LRRIQ4: variants seen among roughly 807,000 people sequenced by gnomAD.
The protein encoded by LRRIQ4 is leucine-rich repeat and IQ domain-containing protein 4.
A neutral mutation model predicts 40.1 loss-of-function variants in LRRIQ4; 21 were observed. The observed-to-expected ratio is 0.52, with a 90% CI of 0.37 to 0.75. The LOEUF is 0.75. Ranked by LOEUF, LRRIQ4 falls within the 30% of genes least tolerant of loss-of-function variation. The probability of loss-of-function intolerance (pLI) is 0.00; values close to 1 mark genes in which losing one functional copy is unlikely to be tolerated. For synonymous variants in LRRIQ4, 277 were observed against 277.1 expected (o/e 1.00, Z 0.00); for missense variants, 655 against 660.0 (o/e 0.99, Z 0.08).
intron 1 of LRRIQ4, among the ~76,000 whole-genome samples, chr3:169,818,084 A>G (rs1296819893): frequency 6.6e-6 from 1 of 152,188 alleles, no homozygotes; most frequent in African/African-American, 2.4e-5. Context: ...GGGCTGGTCT[A>G]AATGCTCCCT....
intron 5 of LRRIQ4, among the ~76,000 whole-genome samples, chr3:169,835,192 C>G (rs1780278281): frequency 6.6e-6 from 1 of 152,048 alleles, no homozygotes; most frequent in Non-Finnish European, 1.5e-5. Flanking sequence ...GAGCTTCTTC[C>G]AGATTTATAT....
intron 1 of LRRIQ4, among the ~76,000 whole-genome samples, chr3:169,820,865 T>C (rs1033411844): frequency 2.2e-4 from 33 of 152,232 alleles, no homozygotes; most frequent in African/African-American, 8.0e-4. Flanking sequence ...ATTTTCCCTG[T>C]GGCCGTTTAA....
At chr3:169,825,069 G>T (rs1403556801) in intron 2 of LRRIQ4, among the ~76,000 whole-genome samples, 1 of 148,122 alleles carries the variant, frequency 6.8e-6, no homozygotes, top group Admixed American at 6.9e-5. Flanking sequence ...GTACAATGGC[G>T]CCATCTCAGC....
At chr3:169,832,833 T>C (rs1434102394) in intron 4 of LRRIQ4, among the ~76,000 whole-genome samples, 154 bp from the exon 5 acceptor site, 2 of 152,190 alleles carry the variant, frequency 1.3e-5, no homozygotes, top group East Asian at 3.8e-4. Context: ...TTTTATTAGA[T>C]GGTAGAAAAA....
At chr3:169,832,909 C>CT (rs2108185454) in intron 4 of LRRIQ4, 78 bp from the exon 5 acceptor site, 1 of 1,293,404 alleles carries the variant, frequency 7.7e-7, no homozygotes, top group East Asian at 2.3e-5. Context: ...GATCCCTCAC[C>CT]TATGTGGACA....
At chr3:169,816,003 G>A (rs942455417) in intron 1 of LRRIQ4, among the ~76,000 whole-genome samples, 17 of 152,178 alleles carry the variant, frequency 1.1e-4, no homozygotes, top group Admixed American at 9.2e-4. Flanking sequence ...TGGTCATGAT[G>A]AATGATTTTT....
intron 2 of LRRIQ4, among the ~76,000 whole-genome samples, chr3:169,825,008 CTTTTT>C (rs10575036): frequency 7.5e-6 from 1 of 133,968 alleles, no homozygotes; most frequent in South Asian, 2.4e-4. Context: ...TTTTAAAAAT[CTTTTT>C]TTTTTTTTTT....
chr3:169,837,429 G>A (rs1223587154), intron 5 of LRRIQ4, 50 bp from the exon 6 acceptor site: 1 of 1,558,944 alleles, frequency 6.4e-7, no homozygotes, highest in East Asian at 2.3e-5. Flanking sequence ...ACAATTTCCA[G>A]TTCATTGTGA....
At position 169,835,364 on chromosome 3, in the gene LRRIQ4, C is replaced by CTTTG. The variant is rs56344833; in HGVS notation, c.1531-2114_1531-2113insTTGT. ...CACTTGTACTTTGAATTGTCTTTTTCTGTGTGTGTGTGTGTGTGTGTGTGT... is the reference window on the plus strand; with the variant it reads ...CACTTGTACTTTGAATTGTCTTTTTCTTTGTGTGTGTGTGTGTGTGTGTGTGTGT... On this transcript the variant is annotated intron_variant, in intron 5 of 5. Transcript: ENST00000340806. Among the ~76,000 whole-genome samples the CTTTG allele has an allele frequency of 8.5e-4, 125 of 146,508 alleles. 1 individual carries two copies. Among genetic ancestry groups the CTTTG allele is most frequent in the South Asian group, 4.4e-3 (20 of 4,544 alleles).
At chr3:169,821,341 T>A (rs1351796290) in intron 1 of LRRIQ4, among the ~76,000 whole-genome samples, 3 of 152,128 alleles carry the variant, frequency 2.0e-5, no homozygotes, top group Admixed American at 1.3e-4. Flanking sequence ...CATTTTTTTT[T>A]AACTGAAATT....
At chr3:169,815,399 G>A (rs1576757379) in intron 1 of LRRIQ4, among the ~76,000 whole-genome samples, 1 of 152,016 alleles carries the variant, frequency 6.6e-6, no homozygotes, top group East Asian at 1.9e-4. Context: ...TTTATTTGTA[G>A]CTACTGTAAA....
At position 169,822,705 on chromosome 3, in the gene LRRIQ4, A is replaced by G. The variant is rs1779938234; in HGVS notation, c.784A>G (p.Ile262Val). The change falls in exon 2 of 6, where the codon ATC becomes GTC. Residue 262 changes from isoleucine to valine, a missense_variant. Coordinates refer to ENST00000340806, the MANE Select transcript of LRRIQ4 (RefSeq NM_001080460.3). Reference protein sequence around the residue: ...SFAELRKMTEIGLSGNRLEKV... With the variant: ...SFAELRKMTEVGLSGNRLEKV... ...CGCCGAGCTCAGGAAGATGACGGAA[A>G]TCGGGCTGAGCGGGAACCGCCTGGA... 2 of 1,613,996 alleles carry G rather than the reference A, an allele frequency of 1.2e-6. No individual in the cohort carries two copies. The highest frequency in any genetic ancestry group is 1.7e-6 in the Non-Finnish European group (2 of 1,179,904).
chr3:169,837,581 A>G lies in LRRIQ4; in HGVS notation c.1633A>G (p.Lys545Glu), dbSNP rs1285963058. The change falls in exon 6 of 6, where the codon AAA becomes GAA. Residue 545 changes from lysine to glutamate, a missense_variant. Lys to Glu is a moderately conservative substitution (Grantham distance 56, BLOSUM62 1). Coordinates refer to ENST00000340806, the MANE Select transcript of LRRIQ4 (RefSeq NM_001080460.3). ...KKGKTSPKDK[K>E]GKKDVKGKPG... The stretch of plus-strand genomic sequence containing the variant: ...AGGAAAGACCTCTCCAAAAGATAAG[A>G]AAGGAAAGAAGGATGTAAAAGGAAA... 1.5e-5 allele frequency: 24 copies of G among 1,597,068 alleles called. No homozygotes were observed. The highest frequency in any genetic ancestry group is 2.0e-5 in the Non-Finnish European group (24 of 1,172,188).
intron 2 of LRRIQ4, among the ~76,000 whole-genome samples, chr3:169,824,823 G>T (rs1343181097): frequency 6.6e-6 from 1 of 151,634 alleles, no homozygotes; most frequent in Non-Finnish European, 1.5e-5. Context: ...TATAATATTT[G>T]ATTTAAAAAG....
At chr3:169,821,226 T>G (rs180691337) in intron 1 of LRRIQ4, among the ~76,000 whole-genome samples, 2 of 152,366 alleles carry the variant, frequency 1.3e-5, no homozygotes, top group African/African-American at 4.8e-5. Context: ...GGAAAAATAC[T>G]GTATTTTAAA....
At chr3:169,830,663 G>A (rs778920055) in intron 4 of LRRIQ4, 33 bp downstream of exon 4, 3 of 1,613,188 alleles carry the variant, frequency 1.9e-6, no homozygotes, top group African/African-American at 1.3e-5. Flanking sequence ...CAGCCTAGCA[G>A]AGTTTGTGGC....
chr3:169,835,407 T>C (rs1780283473), intron 5 of LRRIQ4, among the ~76,000 whole-genome samples: 1 of 150,356 alleles, frequency 6.7e-6, no homozygotes, highest in Non-Finnish European at 1.5e-5. Context: ...CTAATGATTT[T>C]TGGAGTCCAG....
chr3:169,821,705 G>A (rs1011016937), intron 1 of LRRIQ4, among the ~76,000 whole-genome samples, 186 bp from the exon 2 acceptor site: 4 of 151,326 alleles, frequency 2.6e-5, no homozygotes, highest in Non-Finnish European at 5.9e-5. Flanking sequence ...GTGAGTCTAC[G>A]TGTTAGGGGA....
intron 1 of LRRIQ4, among the ~76,000 whole-genome samples, chr3:169,819,729 A>C (rs1380228782): frequency 6.6e-6 from 1 of 152,218 alleles, no homozygotes; most frequent in African/African-American, 2.4e-5. Context: ...ATTATTGTGA[A>C]GATTAATTAG....
Sources: allele counts gnomAD v4.1 joint callset (sites outside exome capture counted in the v4.1 genomes callset), GRCh38; gene constraint gnomAD v4.1.1; transcripts MANE v1.5; gene names NCBI Gene and HGNC (gene_info 2026-07-23, HGNC 2026-07-21).